SPAG17: variants seen among roughly 807,000 people sequenced by gnomAD.
SPAG17 encodes sperm-associated antigen 17.
In SPAG17, 169 loss-of-function variants were observed where a neutral mutation model predicts 273.6. The observed-to-expected ratio is 0.62, with a 90% CI of 0.55 to 0.70. The LOEUF is 0.70. Ranked by LOEUF, SPAG17 falls within the 30% of genes least tolerant of loss-of-function variation. The pLI, the probability that SPAG17 is intolerant of heterozygous loss-of-function variation, is 0.00. For missense variants in SPAG17, 2,557 were observed against 2,627.8 expected, an observed-to-expected ratio of 0.97 and a Z score of 0.59; for synonymous variants, 825 against 873.2, an observed-to-expected ratio of 0.94 and a Z score of 0.97.
At chr1:118,074,691 CTATGTT>C in intron 15 of SPAG17, 91 bp from the exon 16 acceptor site, 1 of 1,185,182 alleles carries the variant, frequency 8.4e-7, no homozygotes, top group Non-Finnish European at 1.2e-6. Flanking sequence ...CCCATATGAT[CTATGTT>C]TCTGTGCTGA....
intron 46 of SPAG17, among the ~76,000 whole-genome samples, chr1:117,967,296 CA>C (rs5777330): frequency 0.4 from 34,690 of 86,152 alleles, 5,160 homozygotes; most frequent in Non-Finnish European, 0.48. Flanking sequence ...AACTCCATCT[CA>C]AAAAAAAAAA....
intron 4 of SPAG17, among the ~76,000 whole-genome samples, chr1:118,102,668 C>T (rs960308891): frequency 6.6e-6 from 1 of 152,220 alleles, no homozygotes; most frequent in Non-Finnish European, 1.5e-5. Context: ...CGCCCCAACA[C>T]CCCGCTTTTC....
At position 117,973,541 on chromosome 1, in the gene SPAG17, C is replaced by T. The variant is rs79780292; in HGVS notation, c.6025G>A (p.Val2009Met). The change falls in exon 44 of 49, where the codon GTG becomes ATG. Residue 2009 changes from valine (V) to methionine (M), a missense_variant. Transcript: ENST00000336338. ...AGCAAGGACTGGGTTGGAATTTTCA[C>T]GGGCTCATAAGATTCTGCTTCTGTT... is the stretch of plus-strand genomic sequence containing the variant. ...SPEEAESYEP[V>M]KIPTQSLLQD... is the part of the protein sequence containing the mutation. 516 of 1,613,734 alleles carry T rather than the reference C, an allele frequency of 3.2e-4. 1 individual carries two copies. The East Asian group carries it at 7.4e-3, about 23-fold the overall frequency.
At chr1:118,082,099 C>A (rs998477068) in intron 13 of SPAG17, among the ~76,000 whole-genome samples, 6 of 152,188 alleles carry the variant, frequency 3.9e-5, no homozygotes, top group Non-Finnish European at 5.9e-5. Context: ...AAGGCTTCCT[C>A]CTGTGCACAT....
chr1:118,080,889 G>A (rs1385775834), intron 15 of SPAG17, among the ~76,000 whole-genome samples: 1 of 152,124 alleles, frequency 6.6e-6, no homozygotes, highest in Non-Finnish European at 1.5e-5. Flanking sequence ...AATTTACTAA[G>A]GTTAAGTGTG....
At chr1:118,011,350 AG>A (rs113739621) in intron 30 of SPAG17, among the ~76,000 whole-genome samples, 2 of 152,374 alleles carry the variant, frequency 1.3e-5, no homozygotes, top group African/African-American at 4.8e-5. Context: ...GACTGGAGTA[AG>A]CAAATGGCAT....
At position 118,118,567 on chromosome 1, in the gene SPAG17, G is replaced by A. The variant is rs80297546; in HGVS notation, c.316-3126C>T. Among the ~76,000 whole-genome samples, 21 of 152,304 alleles carry A rather than the reference G, an allele frequency of 1.4e-4. No homozygotes were observed. The East Asian group carries it at 3.7e-3, about 27-fold the overall frequency. ...AAAGCACGAGTCTTAACGGGCAAAT[G>A]AGACTTATTAAAATGGAGAAAAATG... is the stretch of plus-strand genomic sequence containing the variant. On this transcript the variant is annotated intron_variant, in intron 3 of 48. Transcript: ENST00000336338.
At position 118,075,912 on chromosome 1, in the gene SPAG17, G is replaced by A. The variant is rs371203347; in HGVS notation, c.2210-1312C>T. Among the ~76,000 whole-genome samples the A allele has an allele frequency of 7.7e-4, 117 of 151,950 alleles. 3 individuals are homozygous for A. The South Asian group carries it at 0.023, about 29-fold the overall frequency. On this transcript the variant is annotated intron_variant, in intron 15 of 48. Transcript: ENST00000336338. ...TCAAGAGTCTTCTGCCTCATCCTCTGCTTTGTTTGTTTTTTTTATCATAGC... is the reference window on the plus strand; with the variant it reads ...TCAAGAGTCTTCTGCCTCATCCTCTACTTTGTTTGTTTTTTTTATCATAGC...
intron 1 of SPAG17, among the ~76,000 whole-genome samples, chr1:118,167,398 G>T (rs1660220913): frequency 6.6e-6 from 1 of 151,968 alleles, no homozygotes; most frequent in African/African-American, 2.4e-5. Flanking sequence ...ATCAGAACAT[G>T]CCTCCAGTTG....
At chr1:118,147,581 C>T (rs1659088087) in intron 3 of SPAG17, among the ~76,000 whole-genome samples, 1 of 152,318 alleles carries the variant, frequency 6.6e-6, no homozygotes, top group East Asian at 1.9e-4. Flanking sequence ...GCAGCTACGT[C>T]TCTACAGAAT....
chr1:117,985,134 G>T (rs974876323), intron 40 of SPAG17, among the ~76,000 whole-genome samples: 2 of 152,170 alleles, frequency 1.3e-5, no homozygotes, highest in African/African-American at 4.8e-5. Flanking sequence ...ATGACAGCTA[G>T]AGTCTACTGG....
At chr1:118,087,887 T>A (rs1655111955) in intron 10 of SPAG17, among the ~76,000 whole-genome samples, 1 of 152,206 alleles carries the variant, frequency 6.6e-6, no homozygotes, top group African/African-American at 2.4e-5. Context: ...TGTTTAGCAA[T>A]GTCCCTGGTG....
intron 1 of SPAG17, among the ~76,000 whole-genome samples, chr1:118,169,963 A>T (rs541629205): frequency 6.6e-6 from 1 of 152,346 alleles, no homozygotes; most frequent in African/African-American, 2.4e-5. Flanking sequence ...GTTCTAAAGA[A>T]CTTTAACTTA....
chr1:118,176,010 ATTGT>A (rs937935694), intron 1 of SPAG17, among the ~76,000 whole-genome samples: 6 of 152,160 alleles, frequency 3.9e-5, no homozygotes, highest in African/African-American at 1.2e-4. Context: ...GGTTTTTTAA[ATTGT>A]TTGTTTCTAT....
intron 3 of SPAG17, among the ~76,000 whole-genome samples, chr1:118,119,166 T>C (rs1477029874): frequency 6.6e-6 from 1 of 152,214 alleles, no homozygotes; most frequent in Non-Finnish European, 1.5e-5. Context: ...TATGCATATA[T>C]GTGCATATAT....
At chr1:118,074,188 G>A (rs1021424786) in intron 16 of SPAG17, among the ~76,000 whole-genome samples, 5 of 151,746 alleles carry the variant, frequency 3.3e-5, no homozygotes, top group African/African-American at 1.2e-4. Flanking sequence ...TTATTGTTAG[G>A]TTATACTCTT....
chr1:118,149,333 G>A (rs1295302736), intron 3 of SPAG17, among the ~76,000 whole-genome samples: 1 of 152,150 alleles, frequency 6.6e-6, no homozygotes, highest in Non-Finnish European at 1.5e-5. Context: ...TCAAAACTAG[G>A]CTGCTATCAT....
intron 1 of SPAG17, among the ~76,000 whole-genome samples, chr1:118,180,354 A>G (rs1426125946): frequency 1.3e-5 from 2 of 152,108 alleles, no homozygotes; most frequent in Admixed American, 1.3e-4. Flanking sequence ...AAAGATGAAT[A>G]TCGTATGTTC....
At chr1:118,161,777 T>G (rs1257068326) in intron 1 of SPAG17, among the ~76,000 whole-genome samples, 3 of 152,112 alleles carry the variant, frequency 2.0e-5, no homozygotes, top group Non-Finnish European at 4.4e-5. Context: ...CCTCATGATC[T>G]GCCTGCCTCG....
Sources: gnomAD v4.1 joint callset for allele counts (sites outside exome capture counted in the v4.1 genomes callset) on GRCh38, gnomAD v4.1.1 for gene constraint, MANE v1.5 for transcripts, NCBI Gene and HGNC (gene_info 2026-07-23, HGNC 2026-07-21) for gene names.